BCL11A: variants seen among roughly 807,000 people sequenced by gnomAD.
BCL11A encodes B cell CLL/lymphoma 11A.
In BCL11A, 2 loss-of-function variants were observed where a neutral mutation model predicts 55.9. The ratio of observed to expected loss-of-function variants is 0.04; its 90% CI spans 0.01 to 0.11. The LOEUF (loss-of-function observed/expected upper bound fraction) is 0.11, where lower values mean the gene tolerates loss of function less well. Ranked by LOEUF, BCL11A falls within the 10% of genes least tolerant of loss-of-function variation. The pLI is 1.00. For synonymous variants in BCL11A, 465 were observed against 473.4 expected (o/e 0.98, Z 0.23); for missense variants, 817 against 1,137.1 (o/e 0.72, Z 4.05).
intron 2 of BCL11A, among the ~76,000 whole-genome samples, chr2:60,491,966 A>C (rs111665140): frequency 6.6e-6 from 1 of 152,344 alleles, no homozygotes; most frequent in Non-Finnish European, 1.5e-5. Flanking sequence ...ATTGAGAGGG[A>C]ATCTGGAGAG....
At chr2:60,542,484 A>T (rs1030432960) in intron 2 of BCL11A, 8 of 152,252 alleles carry the variant, frequency 5.3e-5, no homozygotes, top group African/African-American at 1.7e-4. Flanking sequence ...AAGGCTGCTG[A>T]TATCTGAGGG....
chr2:60,471,936 T>C (rs1276894041), intron 2 of BCL11A, among the ~76,000 whole-genome samples: 1 of 152,166 alleles, frequency 6.6e-6, no homozygotes, highest in Non-Finnish European at 1.5e-5. Context: ...TCATGCACAC[T>C]CAAGCTGAAT....
In BCL11A at chr2:60,545,516, G is replaced by A. The variant is rs140376567; in HGVS notation, c.385+455C>T. On this transcript the variant is annotated intron_variant, in intron 2 of 3. Transcript: ENST00000642384. ...TCTACTTCAGGGAAGCCTTGAGAAC[G>A]AGCTGAACCCCTAAGGAGGCCTGGC... is the stretch of plus-strand genomic sequence containing the variant. 2.8e-4 allele frequency: 46 copies of A among 162,408 alleles called. No homozygotes were observed. The South Asian group carries it at 3.4e-3, about 12-fold the overall frequency. 10.1% of individuals were successfully genotyped at this position (162,408 alleles called of 1,614,324 possible). A position where few individuals can be genotyped will look rare whatever the true frequency, so the allele number is the denominator to read the frequency against.
Position 60,460,295 on chromosome 2 carries a change from T to C in BCL11A, c.*109A>G, listed in dbSNP as rs1676179426. On this transcript the variant is annotated 3_prime_UTR_variant, in exon 4 of 4. Coordinates refer to ENST00000642384, the MANE Select transcript of BCL11A (RefSeq NM_022893.4). ...TGTTTGTTTGTTTGTTTAAATCACA[T>C]GGGACTAGAAAAAAATCCTACAGGG... The C allele has an allele frequency of 2.0e-6, 3 of 1,487,110 alleles. No individual in the cohort carries two copies. The highest frequency in any genetic ancestry group is 2.9e-5 in the South Asian group (2 of 69,598). 92.1% of individuals were successfully genotyped at this position (1,487,110 alleles called of 1,614,324 possible).
Position 60,460,388 on chromosome 2 carries a change from G to A in BCL11A, c.*16C>T, listed in dbSNP as rs749992547. The A allele has an allele frequency of 1.3e-6, 2 of 1,570,476 alleles. No individual in the cohort carries two copies. Among genetic ancestry groups the A allele is most frequent in the Non-Finnish European group, 8.7e-7 (1 of 1,151,504 alleles). ...GGGGTGTCAGGTGGGAGTGAGGGAG[G>A]GGTATTAATATACCTCTATTCAGTT... On this transcript the variant is annotated 3_prime_UTR_variant, in exon 4 of 4. Coordinates refer to ENST00000642384, the MANE Select transcript of BCL11A (RefSeq NM_022893.4).
chr2:60,458,319 A>C lies in BCL11A; in HGVS notation c.*2085T>G, dbSNP rs1676041264. ...GAAGAGCGGTGTGTATCCAAGGCAT[A>C]GAATTTCCACTACCATTTTTAAATG... On this transcript the variant is annotated 3_prime_UTR_variant, in exon 4 of 4. Coordinates refer to ENST00000642384, the MANE Select transcript of BCL11A (RefSeq NM_022893.4). 1 of 1,027,454 alleles carries C rather than the reference A, an allele frequency of 9.7e-7. No homozygotes were observed. Among genetic ancestry groups the C allele is most frequent in the Admixed American group, 5.8e-5 (1 of 17,296 alleles). The allele number at this position is 1,027,454 out of a possible 1,614,324, so 63.6% of individuals were successfully genotyped here. A position where few individuals can be genotyped will look rare whatever the true frequency, so the allele number is the denominator to read the frequency against.
Position 60,553,451 on chromosome 2 carries a change from T to G in BCL11A, c.-181A>C. 1 of 405,816 alleles carries G rather than the reference T, an allele frequency of 2.5e-6. No individual in the cohort carries two copies. Among genetic ancestry groups the G allele is most frequent in the Admixed American group, 5.8e-5 (1 of 17,128 alleles). 25.1% of individuals were successfully genotyped at this position (405,816 alleles called of 1,614,324 possible). A position where few individuals can be genotyped will look rare whatever the true frequency, so the allele number is the denominator to read the frequency against. On this transcript the variant is annotated 5_prime_UTR_variant, in exon 1 of 4. Transcript: ENST00000642384. ...CAAAGATGGCGCAGGGAAGATGAAT[T>G]GTGGGAGAGCCGTCATGGCTTTTTT...
intron 2 of BCL11A, among the ~76,000 whole-genome samples, chr2:60,539,436 A>G (rs945441236): frequency 1.3e-5 from 2 of 152,234 alleles, no homozygotes; most frequent in Non-Finnish European, 2.9e-5. Flanking sequence ...GCTCAGAAAT[A>G]GACCCCAAGT....
intron 2 of BCL11A, among the ~76,000 whole-genome samples, chr2:60,502,703 G>A (rs773099575): frequency 3.3e-5 from 5 of 152,204 alleles, no homozygotes; most frequent in African/African-American, 4.8e-5. Flanking sequence ...TAATAAAACT[G>A]TTTTCAATCA....
intron 2 of BCL11A, among the ~76,000 whole-genome samples, chr2:60,480,868 T>C (rs1181823995): frequency 1.3e-5 from 2 of 152,140 alleles, no homozygotes; most frequent in Admixed American, 6.5e-5. Context: ...TGCACCCCCA[T>C]CTCTGTCCCA....
chr2:60,502,377 T>C (rs962226286), intron 2 of BCL11A, among the ~76,000 whole-genome samples: 3 of 152,226 alleles, frequency 2.0e-5, no homozygotes, highest in South Asian at 4.1e-4. Context: ...AAATAAACCA[T>C]CGGAAAAAGT....
At chr2:60,494,552 C>A (rs1435788580) in intron 2 of BCL11A, among the ~76,000 whole-genome samples, 1 of 152,180 alleles carries the variant, frequency 6.6e-6, no homozygotes, top group African/African-American at 2.4e-5. Context: ...ATTGGCAAAG[C>A]CAGACTTGGG....
intron 2 of BCL11A, among the ~76,000 whole-genome samples, chr2:60,540,763 T>C (rs1489655291): frequency 6.6e-6 from 1 of 152,154 alleles, no homozygotes; most frequent in African/African-American, 2.4e-5. Context: ...AGGTTGCCTG[T>C]CCTGACCCTG....
At chr2:60,484,166 G>A (rs998020465) in intron 2 of BCL11A, 1 of 152,210 alleles carries the variant, frequency 6.6e-6, no homozygotes, top group Non-Finnish European at 1.5e-5. Flanking sequence ...AGCTGGCAGG[G>A]TTGTCCAGAC....
At chr2:60,491,720 T>G (rs1361856808) in intron 2 of BCL11A, among the ~76,000 whole-genome samples, 2 of 148,606 alleles carry the variant, frequency 1.3e-5, no homozygotes, top group Non-Finnish European at 3.0e-5. Flanking sequence ...AATGCTCCCC[T>G]CAGTTCTCCA....
Position 60,461,975 on chromosome 2 carries a change from T to C in BCL11A, c.937A>G (p.Met313Val). Residue 313 changes from methionine to valine, a missense_variant, in exon 4 of 4, where the codon ATG becomes GTG. By Grantham distance (21) the Met-to-Val change is conservative (BLOSUM62 1). This residue lies in a region of BCL11A where 363 missense variants were observed against 486.6 expected (regional missense o/e 0.75). Transcript: ENST00000642384. ...LNPMAMEPPA[M>V]DFSRRLRELA... is the part of the protein sequence containing the mutation. ...TCTCTAAGTCTCCTAGAGAAATCCA[T>C]GGCGGGAGGCTCCATAGCCATTGGA... 1 of 1,613,832 alleles carries C rather than the reference T, an allele frequency of 6.2e-7. No individual in the cohort carries two copies. Among genetic ancestry groups the C allele is most frequent in the Non-Finnish European group, 8.5e-7 (1 of 1,180,016 alleles).
At position 60,461,841 on chromosome 2, in the gene BCL11A, C is replaced by A; in HGVS notation, c.1071G>T (p.Thr357=). The A allele has an allele frequency of 1.2e-6, 2 of 1,612,910 alleles. No homozygotes were observed. The highest frequency in any genetic ancestry group is 1.7e-6 in the Non-Finnish European group (2 of 1,179,256). ...CGGATTGCAGAGGAGGGAGGGGGGGCGTCGCCAGGAAGGGCGGCTTGCTAC... is the reference window on the plus strand; with the variant it reads ...CGGATTGCAGAGGAGGGAGGGGGGGAGTCGCCAGGAAGGGCGGCTTGCTAC... ...QPGSKPPFLA[T]PPLPPLQSAP... is the part of the protein sequence containing the mutation. The change falls in exon 4 of 4, where the codon ACG becomes ACT. Residue 357 remains threonine (T), a synonymous_variant. Transcript: ENST00000642384.
At chr2:60,539,893 C>T (rs753530938) in intron 2 of BCL11A, among the ~76,000 whole-genome samples, 81 of 152,054 alleles carry the variant, frequency 5.3e-4, no homozygotes, top group African/African-American at 1.7e-3. Context: ...ATACCCTGGT[C>T]GTAAAGGGGA....
At chr2:60,511,133 C>A (rs1355241992) in intron 2 of BCL11A, among the ~76,000 whole-genome samples, 2 of 152,026 alleles carry the variant, frequency 1.3e-5, no homozygotes, top group Non-Finnish European at 2.9e-5. Flanking sequence ...GGCACAAATC[C>A]CAGCTGCCTC....
Sources: allele counts gnomAD v4.1 joint callset (sites outside exome capture counted in the v4.1 genomes callset), GRCh38; gene constraint gnomAD v4.1.1; regional missense constraint gnomAD v4.1.1; transcripts MANE v1.5; gene names NCBI Gene and HGNC (gene_info 2026-07-23, HGNC 2026-07-21).